Variants in PPFIBP2 observed in about 807,000 individuals in gnomAD.
PPFIBP2 encodes the protein liprin-beta-2.
In PPFIBP2, 118 loss-of-function variants were observed where a neutral mutation model predicts 118.3. That is an observed-to-expected ratio of 1.00 (90% CI 0.86 to 1.16). The LOEUF is 1.16. Among genes scored for constraint, PPFIBP2 ranks in the 50% most tolerant of loss-of-function variants. The pLI is 0.00. For missense variants in PPFIBP2, 1,195 were observed against 1,073.1 expected, an observed-to-expected ratio of 1.11 and a Z score of -1.59; for synonymous variants, 414 against 397.4, an observed-to-expected ratio of 1.04 and a Z score of -0.50.
chr11:7,528,032 G>C (rs1378827322), intron 1 of PPFIBP2, among the ~76,000 whole-genome samples: 1 of 152,144 alleles, frequency 6.6e-6, no homozygotes, highest in Non-Finnish European at 1.5e-5. Context: ...AGTTTCCCTA[G>C]GTGGTGAGTG....
intron 1 of PPFIBP2, among the ~76,000 whole-genome samples, chr11:7,528,221 A>G (rs1850390968): frequency 6.6e-6 from 1 of 152,206 alleles, no homozygotes; most frequent in African/African-American, 2.4e-5. Context: ...TTAACCTTTG[A>G]GAGGCACTTA....
At chr11:7,543,277 G>T (rs1829622909) in intron 1 of PPFIBP2, among the ~76,000 whole-genome samples, 1 of 152,262 alleles carries the variant, frequency 6.6e-6, no homozygotes, top group African/African-American at 2.4e-5. Flanking sequence ...AGCAGCTATG[G>T]CTTATGGGAG....
chr11:7,560,095 T>C (rs1032419642), intron 2 of PPFIBP2, among the ~76,000 whole-genome samples: 3 of 152,236 alleles, frequency 2.0e-5, no homozygotes, highest in Non-Finnish European at 4.4e-5. Flanking sequence ...ATGATTGTTC[T>C]GTGAAAATAC....
the PPFIBP2 span, chr11:7,666,217 C>CGT: frequency 0.36 from 213,392 of 592,438 alleles, 41,748 homozygotes; most frequent in Non-Finnish European, 0.41. Flanking sequence ...TTCAGTGCAG[C>CGT]GTGAGGTGCT....
At chr11:7,576,398 T>C in intron 3 of PPFIBP2, 1 of 152,388 alleles carries the variant, frequency 6.6e-6, no homozygotes, top group Non-Finnish European at 1.5e-5. Flanking sequence ...AGTGGGGAGC[T>C]CTCAAAGGAG....
chr11:7,544,403 G>C (rs1015253552), intron 1 of PPFIBP2, among the ~76,000 whole-genome samples: 3 of 152,090 alleles, frequency 2.0e-5, no homozygotes, highest in Non-Finnish European at 4.4e-5. Flanking sequence ...AGTCCCCATG[G>C]CACATTGTTG....
Position 7,616,331 on chromosome 11 carries a change from C to T in PPFIBP2, c.619-4604C>T, listed in dbSNP as rs961540916. ...TAGAAAACTGGAAATGAACCATTTC[C>T]TTCTTGATTTTCAAAATGGCAAAAG... On this transcript the variant is annotated intron_variant, in intron 6 of 23. Coordinates refer to ENST00000299492, the MANE Select transcript of PPFIBP2 (RefSeq NM_003621.5). The surrounding 1 kb of genome is among the most constrained non-coding windows in gnomAD (Gnocchi z 5.2). Among the ~76,000 whole-genome samples the T allele has an allele frequency of 4.6e-5, 7 of 152,118 alleles. No homozygotes were observed. The highest frequency in any genetic ancestry group is 1.2e-4 in the African/African-American group (5 of 41,408).
intron 4 of PPFIBP2, 169 bp from the exon 5 acceptor site, chr11:7,597,391 G>A: frequency 1.3e-6 from 2 of 1,537,544 alleles, no homozygotes; most frequent in Non-Finnish European, 8.7e-7. Context: ...TCTAACTGCA[G>A]CTGCCTTCGT....
chr11:7,636,678 G>T (rs777550177), intron 14 of PPFIBP2, among the ~76,000 whole-genome samples: 4 of 152,132 alleles, frequency 2.6e-5, no homozygotes, highest in Non-Finnish European at 4.4e-5. Context: ...ACAGGCTCAA[G>T]GTTTAAGACG....
At chr11:7,606,508 A>G (rs888767012) in intron 5 of PPFIBP2, among the ~76,000 whole-genome samples, 7 of 152,226 alleles carry the variant, frequency 4.6e-5, no homozygotes. Flanking sequence ...GAAAGGTAGA[A>G]GCACATGCTA....
chr11:7,656,110 C>T (rs927616170), downstream of PPFIBP2, among the ~76,000 whole-genome samples: 1 of 152,198 alleles, frequency 6.6e-6, no homozygotes, highest in African/African-American at 2.4e-5. Flanking sequence ...GCTTAGTTAT[C>T]TGTAAAGCAG....
chr11:7,554,744 G>C (rs1406247955), intron 2 of PPFIBP2, among the ~76,000 whole-genome samples: 1 of 151,584 alleles, frequency 6.6e-6, no homozygotes, highest in Non-Finnish European at 1.5e-5. Flanking sequence ...GAAACTCCTT[G>C]TAAAGTTGAA....
intron 13 of PPFIBP2, among the ~76,000 whole-genome samples, chr11:7,634,882 A>G (rs1486601081): frequency 6.6e-6 from 1 of 152,106 alleles, no homozygotes; most frequent in Non-Finnish European, 1.5e-5. Flanking sequence ...GAGACAGATC[A>G]AGCCAGGGAA....
chr11:7,582,957 TCTC>T (rs995583208), intron 3 of PPFIBP2, among the ~76,000 whole-genome samples: 1 of 152,144 alleles, frequency 6.6e-6, no homozygotes, highest in African/African-American at 2.4e-5. Context: ...GGAAAATGCT[TCTC>T]CTCAATTCTC....
At chr11:7,592,354 C>T (rs1295676168) in intron 3 of PPFIBP2, among the ~76,000 whole-genome samples, 2 of 152,144 alleles carry the variant, frequency 1.3e-5, no homozygotes, top group Non-Finnish European at 2.9e-5. Context: ...TCTGCCTCTC[C>T]TCTGACATTT....
intron 5 of PPFIBP2, among the ~76,000 whole-genome samples, chr11:7,609,347 C>G (rs1397779564): frequency 6.6e-6 from 1 of 152,192 alleles, no homozygotes; most frequent in African/African-American, 2.4e-5. Flanking sequence ...GTTGCTGTGT[C>G]TATTCTCCTT....
At chr11:7,563,808 A>G (rs1283303414) in intron 2 of PPFIBP2, among the ~76,000 whole-genome samples, 1 of 152,190 alleles carries the variant, frequency 6.6e-6, no homozygotes, top group Non-Finnish European at 1.5e-5. Context: ...GATTTGAAAA[A>G]TGTATCACTG....
the PPFIBP2 span, chr11:7,666,461 C>T: frequency 6.2e-7 from 1 of 1,610,886 alleles, no homozygotes. Context: ...CAATGGGAGG[C>T]CTGTCCAGGG....
At chr11:7,654,735 G>A (rs1483572522), downstream of PPFIBP2, among the ~76,000 whole-genome samples, 4 of 152,338 alleles carry the variant, frequency 2.6e-5, no homozygotes, top group African/African-American at 9.6e-5. Flanking sequence ...TTCTTATGTT[G>A]CGGTACAGGG....
Sources: allele counts gnomAD v4.1 joint callset (sites outside exome capture counted in the v4.1 genomes callset), GRCh38; gene constraint gnomAD v4.1.1; non-coding constraint Gnocchi (gnomAD v3.1); transcripts MANE v1.5; gene names NCBI Gene and HGNC (gene_info 2026-07-23, HGNC 2026-07-21).